The following FAM193A variants were observed in gnomAD, a reference collection of about 807,000 sequenced individuals.
The protein encoded by FAM193A is protein FAM193A.
A neutral mutation model predicts 126.5 loss-of-function variants in FAM193A; 22 were observed. That is an observed-to-expected ratio of 0.17 (90% CI 0.12 to 0.25). FAM193A has a LOEUF of 0.25. FAM193A is among the 10% of genes least tolerant of loss of function. FAM193A has a pLI of 1.00. For synonymous variants in FAM193A, 761 were observed against 646.8 expected, an observed-to-expected ratio of 1.18 and a Z score of -2.68; for missense variants, 1,675 against 1,672.8, an observed-to-expected ratio of 1.00 and a Z score of -0.02.
chr4:2,707,046 C>CA (rs1174372918), intron 19 of FAM193A, among the ~76,000 whole-genome samples: 1 of 152,008 alleles, frequency 6.6e-6, no homozygotes, highest in African/African-American at 2.4e-5. Context: ...TGCTTGAACC[C>CA]AGGAGCCAGA....
Position 2,660,013 on chromosome 4 carries a change from C to T in FAM193A, c.1704C>T (p.His568=). The T allele has an allele frequency of 6.2e-7, 1 of 1,614,174 alleles. No individual in the cohort carries two copies. Among genetic ancestry groups the T allele is most frequent in the Non-Finnish European group, 8.5e-7 (1 of 1,180,030 alleles). ...GCTCTCCCATCACAATTCAGCAGCA[C>T]CCCAGGCTCATCCTCACAGACAGTG... The part of the protein sequence containing the change: ...GSSSPITIQQ[H]PRLILTDSGS... The change falls in exon 10 of 21, where the codon CAC becomes CAT. Residue 568 remains histidine, a synonymous_variant. Transcript: ENST00000637812.
At chr4:2,728,868 A>G (rs1721048293) in intron 20 of FAM193A, among the ~76,000 whole-genome samples, 1 of 151,458 alleles carries the variant, frequency 6.6e-6, no homozygotes. Context: ...CTAGACCTCT[A>G]ATAAGCAAAT....
chr4:2,554,223 T>C (rs558703071), intron 1 of FAM193A, among the ~76,000 whole-genome samples: 1 of 152,262 alleles, frequency 6.6e-6, no homozygotes, highest in African/African-American at 2.4e-5. Flanking sequence ...TAGCTGGGAT[T>C]ACAGGTGCCC....
intron 17 of FAM193A, 86 bp from the exon 18 acceptor site, chr4:2,696,277 A>C (rs1019343083): frequency 1.2e-6 from 1 of 860,850 alleles, no homozygotes; most frequent in Non-Finnish European, 1.8e-6. Context: ...TTGAGTAATA[A>C]AACAGTTTAT....
At chr4:2,613,613 C>G (rs1479907151) in intron 2 of FAM193A, among the ~76,000 whole-genome samples, 2 of 151,922 alleles carry the variant, frequency 1.3e-5, no homozygotes, top group Non-Finnish European at 2.9e-5. Context: ...GCCCCCATGC[C>G]TGGCTAATTT....
At chr4:2,700,709 C>T (rs1237156199) in intron 19 of FAM193A, among the ~76,000 whole-genome samples, 165 bp downstream of exon 19, 1 of 152,090 alleles carries the variant, frequency 6.6e-6, no homozygotes, top group Non-Finnish European at 1.5e-5. Context: ...ACCTGTAATC[C>T]CAGCACTTTG....
At chr4:2,622,129 T>A (rs573645090) in intron 2 of FAM193A, among the ~76,000 whole-genome samples, 2 of 152,052 alleles carry the variant, frequency 1.3e-5, no homozygotes, top group Admixed American at 6.6e-5. Flanking sequence ...TGGTGGCGCA[T>A]GCCTTTGGTC....
chr4:2,574,151 C>A (rs760150446), intron 1 of FAM193A, among the ~76,000 whole-genome samples: 1 of 152,010 alleles, frequency 6.6e-6, no homozygotes, highest in Non-Finnish European at 1.5e-5. Context: ...AAGGCTGGAG[C>A]AGGAAGACCA....
chr4:2,555,030 T>C (rs1044097114), intron 1 of FAM193A, among the ~76,000 whole-genome samples: 2 of 152,262 alleles, frequency 1.3e-5, no homozygotes, highest in African/African-American at 2.4e-5. Flanking sequence ...ATATTTTCAT[T>C]TTTAATTGTA....
At chr4:2,710,653 C>A (rs978094449) in intron 19 of FAM193A, among the ~76,000 whole-genome samples, 4 of 151,920 alleles carry the variant, frequency 2.6e-5, no homozygotes, top group Non-Finnish European at 5.9e-5. Context: ...CAGGTGGGCA[C>A]CACCACACTC....
chr4:2,653,094 T>TA (rs1390291605), intron 7 of FAM193A, among the ~76,000 whole-genome samples: 1 of 152,218 alleles, frequency 6.6e-6, no homozygotes, highest in African/African-American at 2.4e-5. Flanking sequence ...AAATGGCAGA[T>TA]AAAGTTCTAG....
At chr4:2,545,402 T>TC in intron 1 of FAM193A, among the ~76,000 whole-genome samples, 1 of 152,240 alleles carries the variant, frequency 6.6e-6, no homozygotes, top group African/African-American at 2.4e-5. Flanking sequence ...ATTTTTTTTT[T>TC]CATGGCATGT....
At chr4:2,593,658 G>T (rs762214046) in intron 1 of FAM193A, among the ~76,000 whole-genome samples, 35 of 152,200 alleles carry the variant, frequency 2.3e-4, no homozygotes, top group Admixed American at 5.2e-4. Flanking sequence ...TACAGGAGCT[G>T]AGCTGTGCGC....
At chr4:2,708,779 T>C (rs1034522303) in intron 19 of FAM193A, among the ~76,000 whole-genome samples, 2 of 152,184 alleles carry the variant, frequency 1.3e-5, no homozygotes, top group African/African-American at 4.8e-5. Context: ...GTTAACTTTA[T>C]ATATTTTACT....
chr4:2,553,171 A>G (rs573192976), intron 1 of FAM193A, among the ~76,000 whole-genome samples: 38 of 151,870 alleles, frequency 2.5e-4, no homozygotes, highest in African/African-American at 6.8e-4. Context: ...CATTCAGTTT[A>G]AAACACTTTC....
chr4:2,603,451 ATTTTT>A (rs71178489), intron 2 of FAM193A, among the ~76,000 whole-genome samples: 60 of 99,284 alleles, frequency 6.0e-4, no homozygotes, highest in Non-Finnish European at 9.7e-4. Flanking sequence ...CGCCCAGCTA[ATTTTT>A]TTTTTTTTTT....
chr4:2,659,599 A>C lies in FAM193A; in HGVS notation c.1431A>C (p.Thr477=). The change falls in exon 9 of 21, where the codon ACA becomes ACC. Residue 477 remains threonine (T), a synonymous_variant. Coordinates refer to ENST00000637812, the MANE Select transcript of FAM193A (RefSeq NM_001366318.2). ...KKAVTGENNF[T]DTMRHMLSSR... is the part of the protein sequence containing the mutation. Reference sequence around the variant, plus strand: ...CAGTTACTGGCGAGAACAACTTCACAGACACCATGAGGCACATGTTATCGT... The same window carrying C: ...CAGTTACTGGCGAGAACAACTTCACCGACACCATGAGGCACATGTTATCGT... The C allele has an allele frequency of 6.2e-7, 1 of 1,614,180 alleles. No individual in the cohort carries two copies. The highest frequency in any genetic ancestry group is 1.1e-5 in the South Asian group (1 of 91,080).
intron 1 of FAM193A, among the ~76,000 whole-genome samples, chr4:2,593,641 G>C (rs994544482): frequency 1.3e-5 from 2 of 152,186 alleles, no homozygotes; most frequent in African/African-American, 4.8e-5. Flanking sequence ...TGGATGACTG[G>C]TGAATGTACA....
At chr4:2,612,249 C>T (rs1401646540) in intron 2 of FAM193A, among the ~76,000 whole-genome samples, 1 of 151,838 alleles carries the variant, frequency 6.6e-6, no homozygotes, top group Non-Finnish European at 1.5e-5. Context: ...CGCCTGTAAT[C>T]CTAGCACTTT....
Sources: gnomAD v4.1 joint callset for allele counts (sites outside exome capture counted in the v4.1 genomes callset) on GRCh38, gnomAD v4.1.1 for gene constraint, MANE v1.5 for transcripts, NCBI Gene and HGNC (gene_info 2026-07-23, HGNC 2026-07-21) for gene names.